Variants in WNT9B observed in about 807,000 individuals in gnomAD.
WNT9B encodes protein Wnt-9b.
A neutral mutation model predicts 30.2 loss-of-function variants in WNT9B; 12 were observed. That is an observed-to-expected ratio of 0.40 (90% CI 0.26 to 0.64). The LOEUF (loss-of-function observed/expected upper bound fraction) is 0.64. WNT9B is among the 30% of genes least tolerant of loss of function. The pLI is 0.42. For synonymous variants in WNT9B, 218 were observed against 216.9 expected, an observed-to-expected ratio of 1.01 and a Z score of -0.05; for missense variants, 442 against 485.2, an observed-to-expected ratio of 0.91 and a Z score of 0.84.
intron 1 of WNT9B, among the ~76,000 whole-genome samples, chr17:46,845,432 G>A (rs1417026779): frequency 2.0e-5 from 3 of 151,082 alleles, no homozygotes; most frequent in Non-Finnish European, 4.4e-5. Flanking sequence ...GGACATATAT[G>A]TCACCTGACA....
intron 1 of WNT9B, chr17:46,833,475 C>T (rs749527474): frequency 1.6e-5 from 8 of 485,250 alleles, no homozygotes; most frequent in African/African-American, 1.6e-4. Context: ...GCCAACCCAC[C>T]CCGACTCCCC....
At chr17:46,862,436 C>T (rs1482443037) in intron 1 of WNT9B, among the ~76,000 whole-genome samples, 3 of 151,976 alleles carry the variant, frequency 2.0e-5, no homozygotes, top group African/African-American at 7.2e-5. Context: ...GGCTTGCTAC[C>T]GTATGAGTTC....
At chr17:46,875,507 C>A in intron 3 of WNT9B, 141 bp downstream of exon 3, 1 of 1,190,192 alleles carries the variant, frequency 8.4e-7, no homozygotes, top group African/African-American at 1.5e-5. Context: ...AACTTCACGT[C>A]TTCAACCAGC....
chr17:46,883,835 C>T (rs911171769), downstream of WNT9B, among the ~76,000 whole-genome samples: 2 of 152,160 alleles, frequency 1.3e-5, no homozygotes, highest in African/African-American at 2.4e-5. Flanking sequence ...CCCTGCATAC[C>T]GCAAAGAGGA....
chr17:46,867,370 G>C (rs907173566), intron 1 of WNT9B, among the ~76,000 whole-genome samples: 1 of 152,262 alleles, frequency 6.6e-6, no homozygotes, highest in South Asian at 2.1e-4. Context: ...AACCCAGGCA[G>C]TCTGGCTCCA....
chr17:46,841,758 A>C (rs1294821089), intron 1 of WNT9B, among the ~76,000 whole-genome samples: 4 of 152,208 alleles, frequency 2.6e-5, no homozygotes, highest in African/African-American at 9.7e-5. Context: ...CTGCAGTGTG[A>C]GGCAGGCGGA....
intron 1 of WNT9B, among the ~76,000 whole-genome samples, chr17:46,841,050 G>T (rs1309922672): frequency 6.6e-6 from 1 of 152,210 alleles, no homozygotes; most frequent in Non-Finnish European, 1.5e-5. Flanking sequence ...CTTCCAACAG[G>T]AGGCAGAGGG....
At chr17:46,863,866 G>T (rs1051291687) in intron 1 of WNT9B, among the ~76,000 whole-genome samples, 1 of 152,158 alleles carries the variant, frequency 6.6e-6, no homozygotes, top group Non-Finnish European at 1.5e-5. Context: ...ATCCATCCCA[G>T]GGGGTGTCCT....
Position 46,851,744 on chromosome 17 carries a change from T to C in WNT9B, c.77+29T>C. On this transcript the variant is annotated intron_variant, in intron 1 of 3. Transcript: ENST00000290015. This position sits in a 1 kb window ranked among gnomAD's most constrained non-coding sequence, Gnocchi z 4.3. ...AGTGCCCGCCGCGCCCCCCGCCCGC[T>C]CCCCGGCCTGCCTGTCTCTCCCTCC... The C allele has an allele frequency of 1.7e-6, 2 of 1,191,054 alleles. No individual in the cohort carries two copies. Among genetic ancestry groups the C allele is most frequent in the Non-Finnish European group, 2.1e-6 (2 of 944,732 alleles). The allele number at this position is 1,191,054 out of a possible 1,614,324, so 73.8% of individuals were successfully genotyped here.
chr17:46,847,930 G>T (rs1200155880), upstream of WNT9B, among the ~76,000 whole-genome samples: 2 of 151,848 alleles, frequency 1.3e-5, no homozygotes, highest in Non-Finnish European at 2.9e-5. Flanking sequence ...TGTGGCCATA[G>T]CAAAGCTTTC....
intron 1 of WNT9B, among the ~76,000 whole-genome samples, chr17:46,856,869 T>C (rs766745693): frequency 4.5e-4 from 69 of 152,234 alleles, no homozygotes; most frequent in Non-Finnish European, 8.4e-4. Context: ...AATGACTACA[T>C]AGAACATTTC....
At chr17:46,837,487 C>T (rs1011391946) in intron 1 of WNT9B, among the ~76,000 whole-genome samples, 3 of 152,180 alleles carry the variant, frequency 2.0e-5, no homozygotes, top group Non-Finnish European at 2.9e-5. Context: ...GTTTCCCCAT[C>T]GAATCCTCAC....
chr17:46,836,347 G>A (rs1235192788), intron 1 of WNT9B, among the ~76,000 whole-genome samples: 1 of 152,142 alleles, frequency 6.6e-6, no homozygotes, highest in Non-Finnish European at 1.5e-5. Flanking sequence ...CTTCATTCAT[G>A]AAGCCTGGTT....
At chr17:46,871,955 A>T (rs1020439329) in intron 1 of WNT9B, among the ~76,000 whole-genome samples, 2 of 152,184 alleles carry the variant, frequency 1.3e-5, no homozygotes, top group Non-Finnish European at 2.9e-5. Context: ...TTGGTACAGG[A>T]TTACTTGGGC....
intron 2 of WNT9B, among the ~76,000 whole-genome samples, chr17:46,874,023 C>T (rs1422397480): frequency 1.3e-5 from 2 of 151,072 alleles, no homozygotes; most frequent in Non-Finnish European, 2.9e-5. Context: ...TGATGCTGTA[C>T]AGGGCAGCCA....
intron 1 of WNT9B, among the ~76,000 whole-genome samples, chr17:46,872,163 C>T (rs1324678262): frequency 6.6e-6 from 1 of 152,208 alleles, no homozygotes; most frequent in Non-Finnish European, 1.5e-5. Flanking sequence ...TACAGATTCC[C>T]AGGCCCAATT....
At chr17:46,882,978 G>T (rs985162438), downstream of WNT9B, among the ~76,000 whole-genome samples, 3 of 151,764 alleles carry the variant, frequency 2.0e-5, no homozygotes, top group Non-Finnish European at 4.4e-5. Context: ...ATACAACCAT[G>T]ATCCCCATTT....
intron 1 of WNT9B, among the ~76,000 whole-genome samples, chr17:46,853,063 C>T (rs1598839178): frequency 6.6e-6 from 1 of 152,108 alleles, no homozygotes; most frequent in South Asian, 2.1e-4. Flanking sequence ...GATCCTTTTG[C>T]GATCCACCCC....
At position 46,858,320 on chromosome 17, in the gene WNT9B, A is replaced by G. The variant is rs376044213; in HGVS notation, c.77+6605A>G. ...GACTTGCCGTTTCATTTTCTTATTG[A>G]TGTCTTATGAAGAACAGATGTTTTT... is the stretch of plus-strand genomic sequence containing the variant. On this transcript the variant is annotated intron_variant, in intron 1 of 3. Coordinates refer to ENST00000290015, the MANE Select transcript of WNT9B (RefSeq NM_003396.3). Among the ~76,000 whole-genome samples, 5 of 152,202 alleles carry G rather than the reference A, an allele frequency of 3.3e-5. No homozygotes were observed. In the East Asian group the frequency reaches 7.7e-4, roughly 24 times the overall value.
Sources: gnomAD v4.1 joint callset for allele counts (sites outside exome capture counted in the v4.1 genomes callset) on GRCh38, gnomAD v4.1.1 for gene constraint, Gnocchi (gnomAD v3.1) non-coding constraint, MANE v1.5 for transcripts, NCBI Gene and HGNC (gene_info 2026-07-23, HGNC 2026-07-21) for gene names.